Variants in CSMD3 observed in about 807,000 individuals in gnomAD.
The protein encoded by CSMD3 is CUB and Sushi multiple domains 3, also known as CUB and sushi domain-containing protein 3.
In CSMD3, 177 loss-of-function variants were observed where a neutral mutation model predicts 435.2. The ratio of observed to expected loss-of-function variants is 0.41; its 90% CI spans 0.36 to 0.46. CSMD3 has a LOEUF of 0.46. CSMD3 is among the 20% of genes least tolerant of loss of function. The pLI, the probability that CSMD3 is intolerant of heterozygous loss-of-function variation, is 0.34. For synonymous variants in CSMD3, 1,656 were observed against 1,520.5 expected (o/e 1.09, Z -2.07); for missense variants, 4,265 against 4,504.6 (o/e 0.95, Z 1.52).
chr8:113,000,162 A>T (rs919274236), intron 6 of CSMD3, among the ~76,000 whole-genome samples: 1 of 152,062 alleles, frequency 6.6e-6, no homozygotes, highest in African/African-American at 2.4e-5. Flanking sequence ...ATGAAAGAGT[A>T]TTATTCCAGA....
chr8:112,768,570 G>C (rs1432572079), intron 13 of CSMD3, among the ~76,000 whole-genome samples: 1 of 151,856 alleles, frequency 6.6e-6, no homozygotes, highest in Non-Finnish European at 1.5e-5. Context: ...GAAAGAAATA[G>C]TGCACTGAGT....
intron 6 of CSMD3, among the ~76,000 whole-genome samples, chr8:112,992,385 A>G (rs2085488659): frequency 6.6e-6 from 1 of 151,822 alleles, no homozygotes; most frequent in African/African-American, 2.4e-5. Context: ...CGGTGATTTC[A>G]AAAATGTTAG....
Position 112,981,088 on chromosome 8 carries a change from A to C in CSMD3, c.1031-4940T>G, listed in dbSNP as rs555926910. 5.6e-4 allele frequency among the ~76,000 whole-genome samples: 85 copies of C among 151,648 alleles called. 1 individual carries two copies. In the South Asian group the frequency reaches 0.017, roughly 30 times the overall value. On this transcript the variant is annotated intron_variant, in intron 6 of 70. Transcript: ENST00000297405. ...AAATGTATATCTACATTGATCTTAT[A>C]AAATTTGATTTCAAATTAAAATGCT...
chr8:113,279,704 G>T (rs906752100), intron 2 of CSMD3, among the ~76,000 whole-genome samples: 1 of 151,630 alleles, frequency 6.6e-6, no homozygotes, highest in African/African-American at 2.4e-5. Context: ...TATAATAGCT[G>T]TATCATTATG....
chr8:112,920,319 G>A (rs1209200973), intron 10 of CSMD3, among the ~76,000 whole-genome samples: 1 of 151,766 alleles, frequency 6.6e-6, no homozygotes, highest in Non-Finnish European at 1.5e-5. Flanking sequence ...GTCACAAGCA[G>A]TTAAAGAAAA....
chr8:112,462,336 G>A (rs1817533728), intron 32 of CSMD3, among the ~76,000 whole-genome samples: 1 of 152,214 alleles, frequency 6.6e-6, no homozygotes, highest in Non-Finnish European at 1.5e-5. Context: ...GTACTAATAT[G>A]TTGAAATGTC....
chr8:112,451,062 G>A (rs184796228), intron 32 of CSMD3, among the ~76,000 whole-genome samples: 95 of 151,950 alleles, frequency 6.3e-4, no homozygotes, highest in African/African-American at 1.7e-3. Flanking sequence ...AAAATATTAT[G>A]GAACTATTAA....
At chr8:112,527,533 G>A (rs1825097556) in intron 27 of CSMD3, among the ~76,000 whole-genome samples, 2 of 151,840 alleles carry the variant, frequency 1.3e-5, no homozygotes, top group Non-Finnish European at 2.9e-5. Flanking sequence ...AATAAGTGAA[G>A]TAATGATATT....
chr8:112,353,626 AAC>A (rs754048919), intron 38 of CSMD3, among the ~76,000 whole-genome samples: 44 of 152,148 alleles, frequency 2.9e-4, no homozygotes, highest in Non-Finnish European at 5.0e-4. Flanking sequence ...AATCCTTGCA[AAC>A]ACACAACCTC....
chr8:112,960,297 T>C (rs933955465), intron 7 of CSMD3, among the ~76,000 whole-genome samples: 2 of 151,378 alleles, frequency 1.3e-5, no homozygotes, highest in Non-Finnish European at 3.0e-5. Context: ...CAAAGAAAAA[T>C]CAAGAAACTA....
chr8:112,877,353 C>A (rs562642860), intron 10 of CSMD3, among the ~76,000 whole-genome samples: 17 of 151,994 alleles, frequency 1.1e-4, no homozygotes, highest in African/African-American at 3.6e-4. Flanking sequence ...GCAACCTCTG[C>A]CACTCAGGTT....
intron 13 of CSMD3, among the ~76,000 whole-genome samples, chr8:112,702,594 G>A (rs867067103): frequency 8.6e-5 from 13 of 151,988 alleles, no homozygotes; most frequent in African/African-American, 2.7e-4. Context: ...CTTCCGGGGT[G>A]GGGGGTAAAG....
intron 1 of CSMD3, among the ~76,000 whole-genome samples, chr8:113,347,458 G>A (rs1173173236): frequency 6.6e-6 from 1 of 152,120 alleles, no homozygotes; most frequent in African/African-American, 2.4e-5. Context: ...ATTCCCAAGA[G>A]TGGAGGTTAC....
intron 12 of CSMD3, among the ~76,000 whole-genome samples, chr8:112,821,169 G>C (rs780170949): frequency 3.9e-5 from 6 of 152,174 alleles, no homozygotes; most frequent in Non-Finnish European, 8.8e-5. Context: ...CATATACCCA[G>C]TAATGAGATT....
At chr8:113,324,385 T>A (rs1001959599) in intron 1 of CSMD3, among the ~76,000 whole-genome samples, 1 of 152,072 alleles carries the variant, frequency 6.6e-6, no homozygotes, top group Non-Finnish European at 1.5e-5. Flanking sequence ...ACGGACTTAG[T>A]GCTCTGTGTC....
intron 47 of CSMD3, 89 bp downstream of exon 47, chr8:112,318,748 T>A: frequency 1.2e-6 from 1 of 804,836 alleles, no homozygotes; most frequent in Non-Finnish European, 2.1e-6. Context: ...CATTTCATAT[T>A]TATATAGATT....
intron 6 of CSMD3, among the ~76,000 whole-genome samples, chr8:113,016,386 A>C (rs2131155504): frequency 6.6e-6 from 1 of 151,970 alleles, no homozygotes; most frequent in African/African-American, 2.4e-5. Context: ...AGGTGGTTAT[A>C]TTTGGGAAAG....
At chr8:112,722,193 A>AG (rs2076872611) in intron 13 of CSMD3, among the ~76,000 whole-genome samples, 1 of 151,346 alleles carries the variant, frequency 6.6e-6, no homozygotes, top group Non-Finnish European at 1.5e-5. Flanking sequence ...CAGTGAAAAG[A>AG]GAAAAAAAAA....
intron 4 of CSMD3, among the ~76,000 whole-genome samples, chr8:113,137,710 T>C (rs777354679): frequency 1.1e-4 from 16 of 151,600 alleles, no homozygotes; most frequent in Non-Finnish European, 1.9e-4. Flanking sequence ...CCATTTTATA[T>C]GATAACCTAA....
Sources: allele counts gnomAD v4.1 joint callset (sites outside exome capture counted in the v4.1 genomes callset), GRCh38; gene constraint gnomAD v4.1.1; transcripts MANE v1.5; gene names NCBI Gene and HGNC (gene_info 2026-07-23, HGNC 2026-07-21).